Variants in SHROOM4 observed in about 807,000 individuals in gnomAD.
SHROOM4 encodes the protein shroom family member 4, also known as protein Shroom4.
A neutral mutation model predicts 80.3 loss-of-function variants in SHROOM4; 17 were observed. The ratio of observed to expected loss-of-function variants is 0.21; its 90% CI spans 0.14 to 0.32. The LOEUF (loss-of-function observed/expected upper bound fraction) is 0.32. SHROOM4 is among the 10% of genes least tolerant of loss of function. The pLI is 1.00. For synonymous variants in SHROOM4, 400 were observed against 437.5 expected (o/e 0.91, Z 1.07); for missense variants, 993 against 1,140.3 (o/e 0.87, Z 1.86).
In SHROOM4 at chrX:50,714,760, C is replaced by G. The variant is rs1281460798; in HGVS notation, c.118-18823G>C. Among the ~76,000 whole-genome samples, 24 of 111,768 alleles carry G rather than the reference C, an allele frequency of 2.1e-4. No individual in the cohort carries two copies. In the Admixed American group the frequency reaches 2.3e-3, roughly 11 times the overall value. On this transcript the variant is annotated intron_variant, in intron 1 of 8. Transcript: ENST00000376020. Reference sequence around the variant, plus strand: ...ATGTGAAACTCTGTAGTCAAATAATCCTTCCTGAAAAAGTTGATACACCTG... The same window carrying G: ...ATGTGAAACTCTGTAGTCAAATAATGCTTCCTGAAAAAGTTGATACACCTG...
chrX:50,599,284 A>G (rs1929282816), intron 7 of SHROOM4, among the ~76,000 whole-genome samples: 1 of 111,477 alleles, frequency 9.0e-6, no homozygotes, highest in Non-Finnish European at 1.9e-5. Flanking sequence ...CAAGTTCATG[A>G]CACTATGCTA....
intron 3 of SHROOM4, among the ~76,000 whole-genome samples, chrX:50,636,115 C>T (rs868938253): frequency 3.6e-5 from 4 of 110,569 alleles, no homozygotes; most frequent in Non-Finnish European, 5.7e-5. Context: ...GATTCTCAAA[C>T]TTGAGCATGT....
intron 1 of SHROOM4, among the ~76,000 whole-genome samples, chrX:50,744,981 T>C (rs1364730314): frequency 8.9e-6 from 1 of 112,142 alleles, no homozygotes; most frequent in East Asian, 2.8e-4. Context: ...TGCCAATGTA[T>C]CTTTGTATGG....
At chrX:50,662,296 C>T (rs1361260563) in intron 2 of SHROOM4, among the ~76,000 whole-genome samples, 5 of 110,902 alleles carry the variant, frequency 4.5e-5, no homozygotes, top group African/African-American at 9.8e-5. Context: ...GTCAGGAGTT[C>T]GAGACCAGTC....
chrX:50,630,563 C>T (rs2147284323), intron 4 of SHROOM4, among the ~76,000 whole-genome samples: 1 of 111,184 alleles, frequency 9.0e-6, no homozygotes, highest in African/African-American at 3.3e-5. Flanking sequence ...TATATTTCCT[C>T]TCCTCTTTTT....
chrX:50,639,011 A>G (rs1931481617), intron 2 of SHROOM4, among the ~76,000 whole-genome samples: 1 of 112,781 alleles, frequency 8.9e-6, no homozygotes, highest in South Asian at 3.7e-4. Context: ...AAGATAGAAC[A>G]AAGTGGTGAA....
intron 2 of SHROOM4, among the ~76,000 whole-genome samples, chrX:50,691,515 T>TTTGGC (rs369372222): frequency 1.8e-5 from 2 of 110,042 alleles, no homozygotes; most frequent in Non-Finnish European, 3.8e-5. Flanking sequence ...CCAAGAGGTC[T>TTTGGC]ATGTAGACTT....
rs1929130856 is a variant in SHROOM4 at position 50,596,717 on chromosome X, A to G, written c.4460T>C (p.Leu1487Pro). Residue 1487 changes from leucine (L) to proline (P), a missense_variant, in exon 9 of 9, where the codon CTC becomes CCC. Coordinates refer to ENST00000376020, the MANE Select transcript of SHROOM4 (RefSeq NM_020717.5). ...GAATTAGAAATTGCTGGGCCCCAGG[A>G]GTAGACTCTCCCTGAGACATTTGAG... ...EQLKCLRESLLLGPSNF is the reference protein window; with the variant it reads ...EQLKCLRESLPLGPSNF 1.7e-6 allele frequency: 2 copies of G among 1,211,233 alleles called. No individual in the cohort carries two copies. The highest frequency in any genetic ancestry group is 2.2e-6 in the Non-Finnish European group (2 of 895,622).
chrX:50,784,528 T>G (rs1935697419), intron 1 of SHROOM4, among the ~76,000 whole-genome samples: 1 of 111,673 alleles, frequency 9.0e-6, no homozygotes. Flanking sequence ...CAACAAATAG[T>G]GTTGGAATAA....
intron 4 of SHROOM4, among the ~76,000 whole-genome samples, chrX:50,631,528 C>T (rs1931066868): frequency 8.9e-6 from 1 of 111,978 alleles, no homozygotes; most frequent in African/African-American, 3.2e-5. Context: ...CAATAAGGCT[C>T]TTCTCTCTCC....
rs782136247 is a variant in SHROOM4, at chrX:50,607,364, C to G, written c.3761+17G>C. ...GCCTGCCTCTTCAGAGACCTAGTAT[C>G]TTTCATATGTACTTACTTGGCGGAT... On this transcript the variant is annotated intron_variant, in intron 6 of 8. Transcript: ENST00000376020. The G allele has an allele frequency of 1.7e-6, 2 of 1,209,835 alleles. No individual in the cohort carries two copies. Among genetic ancestry groups the G allele is most frequent in the Non-Finnish European group, 2.2e-6 (2 of 894,663 alleles).
In SHROOM4 at chrX:50,598,409, A is replaced by AGTTG. The variant is rs1557247049; in HGVS notation, c.4068_4069insCAAC (p.Cys1357GlnfsTer6). 4 of 1,210,166 alleles carry AGTTG rather than the reference A, an allele frequency of 3.3e-6. No homozygotes were observed. The highest frequency in any genetic ancestry group is 4.5e-6 in the Non-Finnish European group (4 of 894,800). On this transcript the variant is annotated frameshift_variant, in exon 8 of 9. Transcript: ENST00000376020. LOFTEE classifies it high-confidence loss of function. ...TACTTTTCAAATTCATTGGATTTGC[A>AGTTG]GACGGCTTTTAAGTTGGCCTCCACC... is the stretch of plus-strand genomic sequence containing the variant.
intron 1 of SHROOM4, among the ~76,000 whole-genome samples, chrX:50,813,638 G>C (rs985073904): frequency 8.9e-6 from 1 of 112,386 alleles, no homozygotes; most frequent in East Asian, 2.9e-4. Context: ...GGGGCAGCAA[G>C]GGCTGCCCCA....
At chrX:50,685,324 C>A (rs782349500) in intron 2 of SHROOM4, among the ~76,000 whole-genome samples, 2 of 111,178 alleles carry the variant, frequency 1.8e-5, no homozygotes, top group African/African-American at 6.6e-5. Flanking sequence ...TATTAGGACA[C>A]TGGAGGGGGT....
intron 2 of SHROOM4, among the ~76,000 whole-genome samples, chrX:50,655,252 C>A (rs1313341675): frequency 1.8e-5 from 2 of 109,755 alleles, no homozygotes; most frequent in African/African-American, 6.6e-5. Context: ...AATGAACAAA[C>A]AAGTGCAGGT....
At chrX:50,702,256 T>C (rs1170157017) in intron 1 of SHROOM4, among the ~76,000 whole-genome samples, 1 of 112,001 alleles carries the variant, frequency 8.9e-6, no homozygotes, top group Non-Finnish European at 1.9e-5. Context: ...TTGATCTCTC[T>C]ACGTTGCTGG....
At chrX:50,643,140 C>G (rs1292252702) in intron 2 of SHROOM4, among the ~76,000 whole-genome samples, 1 of 112,045 alleles carries the variant, frequency 8.9e-6, no homozygotes, top group Non-Finnish European at 1.9e-5. Context: ...GACCCCAGTG[C>G]TTGCCTTTCT....
chrX:50,634,282 C>T lies in SHROOM4; in HGVS notation c.1791G>A (p.Gln597=). 8.3e-7 allele frequency: 1 copy of T among 1,211,510 alleles called. No individual in the cohort carries two copies. Among genetic ancestry groups the T allele is most frequent in the Non-Finnish European group, 1.1e-6 (1 of 895,501 alleles). Residue 597 remains glutamine, a synonymous_variant, in exon 4 of 9, where the codon CAG becomes CAA. Transcript: ENST00000376020. ...RFATNLRNEI[Q]RRKAQLQKSK... ...TTTTCTGGAGCTGGGCCTTCCTCCT[C>T]TGAATTTCATTACGCAGATTGGTAG... is the stretch of plus-strand genomic sequence containing the variant.
chrX:50,597,165 A>G (rs1929150717), intron 8 of SHROOM4, among the ~76,000 whole-genome samples: 1 of 112,589 alleles, frequency 8.9e-6, no homozygotes, highest in African/African-American at 3.2e-5. Flanking sequence ...AAACATGACA[A>G]CAATTCTGGA....
Sources: allele counts gnomAD v4.1 joint callset (sites outside exome capture counted in the v4.1 genomes callset), GRCh38; gene constraint gnomAD v4.1.1; transcripts MANE v1.5; gene names NCBI Gene and HGNC (gene_info 2026-07-23, HGNC 2026-07-21).